Variants in ACACB observed in about 807,000 individuals in gnomAD.
ACACB encodes the protein acetyl-CoA carboxylase 2.
ACACB carries 209 observed loss-of-function variants against 278.8 expected under a neutral mutation model. The observed-to-expected ratio is 0.75, with a 90% CI of 0.67 to 0.84. The LOEUF (loss-of-function observed/expected upper bound fraction) is 0.84. Ranked by LOEUF, ACACB falls within the 40% of genes least tolerant of loss-of-function variation. The pLI is 0.00. For synonymous variants in ACACB, 1,174 were observed against 1,285.6 expected (o/e 0.91, Z 1.86); for missense variants, 2,850 against 3,269.0 (o/e 0.87, Z 3.13).
intron 22 of ACACB, among the ~76,000 whole-genome samples, chr12:109,213,633 C>T (rs940227005): frequency 6.6e-6 from 1 of 151,500 alleles, no homozygotes; most frequent in Non-Finnish European, 1.5e-5. Context: ...TTCGCTCTGT[C>T]GGCCAGGCTG....
intron 22 of ACACB, among the ~76,000 whole-genome samples, chr12:109,215,556 G>A (rs1323274018): frequency 6.6e-6 from 1 of 152,066 alleles, no homozygotes; most frequent in East Asian, 1.9e-4. Flanking sequence ...GAGGTCAGGA[G>A]ATCGAGACCA....
chr12:109,234,588 T>G (rs1377789143), intron 31 of ACACB, among the ~76,000 whole-genome samples: 1 of 152,208 alleles, frequency 6.6e-6, no homozygotes, highest in East Asian at 1.9e-4. Context: ...TACTACACAA[T>G]TCACCCATTT....
chr12:109,263,677 G>C (rs1306307083), intron 49 of ACACB: 1 of 152,098 alleles, frequency 6.6e-6, no homozygotes, highest in African/African-American at 2.4e-5. Context: ...TTTGATAGAG[G>C]TTTTTACCTA....
intron 50 of ACACB, among the ~76,000 whole-genome samples, chr12:109,264,626 A>G (rs1410764003): frequency 2.0e-5 from 3 of 152,114 alleles, no homozygotes; most frequent in Non-Finnish European, 2.9e-5. Context: ...GATCCCCAAG[A>G]GATTCTAATA....
chr12:109,247,768 C>T (rs557120173), intron 40 of ACACB, 65 bp downstream of exon 40: 40 of 1,340,636 alleles, frequency 3.0e-5, no homozygotes, highest in Middle Eastern at 2.2e-4. Context: ...CTTCTTTCCT[C>T]GGGGCTTGTG....
Position 109,266,499 on chromosome 12 carries a change from C to T in ACACB, c.*137C>T. 8.9e-7 allele frequency: 1 copy of T among 1,122,032 alleles called. No individual in the cohort carries two copies. The highest frequency in any genetic ancestry group is 2.0e-5 in the South Asian group (1 of 51,054). The allele number at this position is 1,122,032 out of a possible 1,614,324, so 69.5% of individuals were successfully genotyped here. The stretch of plus-strand genomic sequence containing the variant: ...GGGCACTTCTGCAGGGCTGCTGGTT[C>T]CGAGCTGACACCCGTCTTAACAAAA... On this transcript the variant is annotated 3_prime_UTR_variant, in exon 53 of 53. Coordinates refer to ENST00000338432, the MANE Select transcript of ACACB (RefSeq NM_001093.4).
intron 20 of ACACB, 101 bp from the exon 21 acceptor site, chr12:109,209,064 A>C: frequency 1.5e-6 from 2 of 1,329,188 alleles, no homozygotes; most frequent in Non-Finnish European, 1.0e-6. Flanking sequence ...ACTTGAGTGC[A>C]TGGGGTCAGG....
intron 35 of ACACB, 99 bp from the exon 36 acceptor site, chr12:109,240,979 G>A: frequency 2.5e-6 from 3 of 1,198,518 alleles, no homozygotes; most frequent in Non-Finnish European, 3.6e-6. Flanking sequence ...AGGCGTTTTT[G>A]CAGTCAGTAT....
chr12:109,254,259 G>A lies in ACACB; in HGVS notation c.6091G>A (p.Asp2031Asn), dbSNP rs202214692. The A allele has an allele frequency of 2.5e-6, 4 of 1,613,864 alleles. No individual in the cohort carries two copies. The East Asian group carries it at 8.9e-5, about 36-fold the overall frequency. ...TATCATCACACCCACTGACCCCATT[G>A]ACAGAGAAATTGAATTCCTCCCATC... ...VPIITPTDPI[D>N]REIEFLPSRA... The change falls in exon 44 of 53, where the codon GAC becomes AAC. Residue 2031 changes from aspartate (D) to asparagine (N), a missense_variant. Coordinates refer to ENST00000338432, the MANE Select transcript of ACACB (RefSeq NM_001093.4).
chr12:109,191,865 A>G lies in ACACB; in HGVS notation c.2314A>G (p.Met772Val), dbSNP rs775845125. 1 of 1,614,116 alleles carries G rather than the reference A, an allele frequency of 6.2e-7. No homozygotes were observed. Among genetic ancestry groups the G allele is most frequent in the South Asian group, 1.1e-5 (1 of 91,082 alleles). Reference protein sequence around the residue: ...EKVQAEKPDIMLGVVCGALNV... With the variant: ...EKVQAEKPDIVLGVVCGALNV... ...CTCCTAGGCGGAGAAACCGGATATCATGCTTGGGGTGGTATGCGGGGCCTT... is the reference window on the plus strand; with the variant it reads ...CTCCTAGGCGGAGAAACCGGATATCGTGCTTGGGGTGGTATGCGGGGCCTT... The change falls in exon 15 of 53, where the codon ATG becomes GTG. Residue 772 changes from methionine to valine, a missense_variant. Transcript: ENST00000338432.
chr12:109,164,701 T>C (rs2043840456), intron 2 of ACACB, among the ~76,000 whole-genome samples: 1 of 149,852 alleles, frequency 6.7e-6, no homozygotes, highest in Admixed American at 6.8e-5. Context: ...GGTGCCACCA[T>C]GCCTAGCTAA....
intron 1 of ACACB, among the ~76,000 whole-genome samples, chr12:109,131,038 C>A (rs2042811676): frequency 6.6e-6 from 1 of 152,112 alleles, no homozygotes; most frequent in Admixed American, 6.5e-5. Flanking sequence ...GAGAGTTGGG[C>A]AAGAGGGCAA....
chr12:109,176,021 A>G lies in ACACB; in HGVS notation c.1307A>G (p.Asp436Gly), dbSNP rs184816447. ...EDVYDKGCVKDVDEGLEAAER... is the reference protein window; with the variant it reads ...EDVYDKGCVKGVDEGLEAAER... ...GTTTATGACAAGGGTTGCGTGAAAG[A>G]CGTAGATGAGGGCTTGGAGGTAAAT... The change falls in exon 8 of 53, where the codon GAC becomes GGC. Residue 436 changes from aspartate to glycine, a missense_variant. By Grantham distance (94) the Asp-to-Gly change is moderately conservative (BLOSUM62 -1). Coordinates refer to ENST00000338432, the MANE Select transcript of ACACB (RefSeq NM_001093.4). 1.3e-4 allele frequency: 202 copies of G among 1,614,192 alleles called. No individual in the cohort carries two copies. In the East Asian group the frequency reaches 4.0e-3, roughly 32 times the overall value.
chr12:109,223,961 C>T (rs1481719685), intron 27 of ACACB, 57 bp downstream of exon 27: 17 of 1,434,516 alleles, frequency 1.2e-5, no homozygotes, highest in Non-Finnish European at 1.5e-5. Context: ...GTGTTCACTG[C>T]CGCTACCATG....
rs559326657 is a variant in ACACB, at chr12:109,128,291, GCTGC to G, written c.-9-11100_-9-11097del. Among the ~76,000 whole-genome samples the G allele has an allele frequency of 3.9e-3, 598 of 152,220 alleles. 1 individual carries two copies. Among genetic ancestry groups the G allele is most frequent in the Middle Eastern group, 0.017 (5 of 294 alleles). ...AGCCTCCCTAGTAGCTGGGATTACT[GCTGC>G]CTGCCACCACACCTGGCTAATTTTT... On this transcript the variant is annotated intron_variant, in intron 1 of 52. Transcript: ENST00000338432.
In ACACB at chr12:109,144,036, G is replaced by A. The variant is rs151027288; in HGVS notation, c.653+3978G>A. Among the ~76,000 whole-genome samples, 9 of 152,240 alleles carry A rather than the reference G, an allele frequency of 5.9e-5. No individual in the cohort carries two copies. The East Asian group carries it at 1.7e-3, about 29-fold the overall frequency. On this transcript the variant is annotated intron_variant, in intron 2 of 52. Transcript: ENST00000338432. ...AAAAATAAAAAATAAAATGAGGCCA[G>A]GTAAGGTGGCTCACACCTGTAATCC...
At chr12:109,245,320 G>A (rs566381574) in intron 37 of ACACB, among the ~76,000 whole-genome samples, 1 of 152,216 alleles carries the variant, frequency 6.6e-6, no homozygotes, top group East Asian at 1.9e-4. Context: ...ATAGGACTGG[G>A]TAGGCACTGA....
At chr12:109,172,835 TA>T (rs1284573161) in intron 6 of ACACB, among the ~76,000 whole-genome samples, 1 of 152,232 alleles carries the variant, frequency 6.6e-6, no homozygotes, top group Non-Finnish European at 1.5e-5. Flanking sequence ...CAGAGGAATT[TA>T]AAATCATTCG....
At chr12:109,192,213 G>C (rs1352895691) in intron 15 of ACACB, among the ~76,000 whole-genome samples, 1 of 152,124 alleles carries the variant, frequency 6.6e-6, no homozygotes, top group Non-Finnish European at 1.5e-5. Context: ...ACTTGTGTAA[G>C]GTACATCATA....
Sources: gnomAD v4.1 joint callset for allele counts (sites outside exome capture counted in the v4.1 genomes callset) on GRCh38, gnomAD v4.1.1 for gene constraint, MANE v1.5 for transcripts, NCBI Gene and HGNC (gene_info 2026-07-23, HGNC 2026-07-21) for gene names.